Variants in TTC29 observed in about 807,000 individuals in gnomAD.
The protein encoded by TTC29 is tetratricopeptide repeat protein 29.
TTC29 carries 49 observed loss-of-function variants against 58.1 expected under a neutral mutation model. The observed-to-expected ratio is 0.84, with a 90% CI of 0.67 to 1.07. The LOEUF (loss-of-function observed/expected upper bound fraction) is 1.07, where lower values mean the gene tolerates loss of function less well. Among genes scored for constraint, TTC29 ranks in the 50% least tolerant of loss-of-function variants. TTC29 has a pLI of 0.00. For missense variants in TTC29, 582 were observed against 555.6 expected (o/e 1.05, Z -0.48); for synonymous variants, 209 against 196.8 (o/e 1.06, Z -0.52).
At chr4:146,875,590 T>A (rs957944230) in intron 6 of TTC29, among the ~76,000 whole-genome samples, 5 of 152,124 alleles carry the variant, frequency 3.3e-5, no homozygotes, top group Non-Finnish European at 5.9e-5. Context: ...GCTCAAGCGA[T>A]CCTTCCACCT....
intron 7 of TTC29, among the ~76,000 whole-genome samples, chr4:146,871,201 A>ATATAAC (rs1230296899): frequency 6.6e-6 from 1 of 151,988 alleles, no homozygotes; most frequent in Non-Finnish European, 1.5e-5. Context: ...AATTAGTATA[A>ATATAAC]TATAACATAT....
chr4:146,940,200 G>A (rs991138314), intron 2 of TTC29, among the ~76,000 whole-genome samples: 6 of 152,298 alleles, frequency 3.9e-5, no homozygotes, highest in East Asian at 1.9e-4. Flanking sequence ...TCTTTGGTAA[G>A]AGTTTTGTAA....
chr4:146,925,561 C>T (rs1251423392), intron 4 of TTC29, among the ~76,000 whole-genome samples: 1 of 152,052 alleles, frequency 6.6e-6, no homozygotes. Context: ...TTCTGTGTGG[C>T]CATTTCAAAT....
rs758129118 is a variant in TTC29 at position 146,903,751 on chromosome 4, A to G, written c.401-22T>C. 1.2e-5 allele frequency: 19 copies of G among 1,523,628 alleles called. No homozygotes were observed. The African/African-American group carries it at 2.2e-4, about 18-fold the overall frequency. 94.4% of individuals were successfully genotyped at this position (1,523,628 alleles called of 1,614,324 possible). A position where few individuals can be genotyped will look rare whatever the true frequency, so the allele number is the denominator to read the frequency against. On this transcript the variant is annotated intron_variant, in intron 5 of 12. Transcript: ENST00000325106. ...GATTCTTCAAAGAGAGAAAAGCACC[A>G]TGAATGGCATTAGAAAGATGTCTCA...
At chr4:146,785,148 A>G (rs1748915939) in intron 11 of TTC29, among the ~76,000 whole-genome samples, 1 of 150,130 alleles carries the variant, frequency 6.7e-6, no homozygotes, top group South Asian at 2.1e-4. Context: ...ATATATTTTC[A>G]GCTATTGTTT....
chr4:146,780,114 T>C (rs1748472237), intron 11 of TTC29, among the ~76,000 whole-genome samples: 1 of 152,136 alleles, frequency 6.6e-6, no homozygotes, highest in Non-Finnish European at 1.5e-5. Context: ...ATGTCAAGGA[T>C]AGTAAACACT....
intron 4 of TTC29, among the ~76,000 whole-genome samples, chr4:146,910,039 T>A (rs1490106975): frequency 1.3e-5 from 2 of 152,096 alleles, no homozygotes; most frequent in Non-Finnish European, 2.9e-5. Context: ...AGCTGTGTAG[T>A]GGCTATTATT....
chr4:146,903,869 A>G (rs1003322544), intron 5 of TTC29, 140 bp from the exon 6 acceptor site: 3 of 500,286 alleles, frequency 6.0e-6, no homozygotes, highest in Admixed American at 4.2e-5. Context: ...GTCTAAAAGC[A>G]AAAATTAATT....
At chr4:146,817,520 T>C (rs1436785263) in intron 10 of TTC29, among the ~76,000 whole-genome samples, 10 of 152,162 alleles carry the variant, frequency 6.6e-5, no homozygotes, top group Admixed American at 3.3e-4. Context: ...AGGTAATTTA[T>C]AGATTCAATG....
chr4:146,907,805 G>T (rs1355084080), intron 5 of TTC29, among the ~76,000 whole-genome samples: 2 of 152,128 alleles, frequency 1.3e-5, no homozygotes, highest in Middle Eastern at 3.4e-3. Flanking sequence ...CAGCCAAAAT[G>T]GAGGTTTTTT....
chr4:146,875,805 T>C (rs1205692427), intron 6 of TTC29, among the ~76,000 whole-genome samples: 1 of 152,186 alleles, frequency 6.6e-6, no homozygotes, highest in Non-Finnish European at 1.5e-5. Context: ...AAATATATCT[T>C]CTCCAAGCTA....
At chr4:146,869,597 T>C (rs1730796386) in intron 7 of TTC29, among the ~76,000 whole-genome samples, 1 of 152,040 alleles carries the variant, frequency 6.6e-6, no homozygotes, top group Non-Finnish European at 1.5e-5. Flanking sequence ...GAGTTAAAAG[T>C]TGGCTGTATG....
At chr4:146,758,479 G>C (rs1746621281) in intron 11 of TTC29, among the ~76,000 whole-genome samples, 1 of 152,076 alleles carries the variant, frequency 6.6e-6, no homozygotes, top group African/African-American at 2.4e-5. Context: ...CCATACCTTG[G>C]TATAAATGGA....
intron 9 of TTC29, among the ~76,000 whole-genome samples, chr4:146,824,944 G>A (rs1332881183): frequency 6.6e-6 from 1 of 152,052 alleles, no homozygotes; most frequent in Admixed American, 6.6e-5. Flanking sequence ...GGTCAGTGGT[G>A]ATATCCCCTT....
intron 11 of TTC29, among the ~76,000 whole-genome samples, chr4:146,730,882 C>A (rs999290108): frequency 2.6e-5 from 4 of 152,108 alleles, no homozygotes; most frequent in Admixed American, 2.6e-4. Flanking sequence ...GTGGATGATT[C>A]TTTTAAAGAG....
chr4:146,916,335 A>G (rs930159990), intron 4 of TTC29, among the ~76,000 whole-genome samples: 5 of 151,710 alleles, frequency 3.3e-5, no homozygotes, highest in Admixed American at 2.6e-4. Flanking sequence ...ATATAAATGT[A>G]TAAAGAGAGA....
At chr4:146,841,186 C>A (rs1728829131) in intron 8 of TTC29, among the ~76,000 whole-genome samples, 1 of 152,052 alleles carries the variant, frequency 6.6e-6, no homozygotes, top group South Asian at 2.1e-4. Flanking sequence ...TTCTGAGCAC[C>A]TCAACATGTT....
chr4:146,779,421 A>G (rs1283749061), intron 11 of TTC29, among the ~76,000 whole-genome samples: 1 of 152,222 alleles, frequency 6.6e-6, no homozygotes, highest in Admixed American at 6.5e-5. Context: ...GTAATTTTCT[A>G]TAGCTTAGAA....
At chr4:146,766,449 T>A (rs751964751) in intron 11 of TTC29, among the ~76,000 whole-genome samples, 1 of 152,228 alleles carries the variant, frequency 6.6e-6, no homozygotes, top group Middle Eastern at 3.4e-3. Context: ...TCTTAAAGCA[T>A]TGATGGGTGA....
Sources: allele counts gnomAD v4.1 joint callset (sites outside exome capture counted in the v4.1 genomes callset), GRCh38; gene constraint gnomAD v4.1.1; transcripts MANE v1.5; gene names NCBI Gene and HGNC (gene_info 2026-07-23, HGNC 2026-07-21).